Variants in OSBPL10 observed in about 807,000 individuals in gnomAD.
OSBPL10 encodes oxysterol binding protein like 10.
A neutral mutation model predicts 81.7 loss-of-function variants in OSBPL10; 49 were observed. That is an observed-to-expected ratio of 0.60 (90% CI 0.48 to 0.76). The LOEUF (loss-of-function observed/expected upper bound fraction) is 0.76, where lower values mean the gene tolerates loss of function less well. OSBPL10 is among the 30% of genes least tolerant of loss of function. OSBPL10 has a pLI of 0.00. For missense variants in OSBPL10, 923 were observed against 987.8 expected (o/e 0.93, Z 0.88); for synonymous variants, 419 against 383.6 (o/e 1.09, Z -1.08).
In OSBPL10 at chr3:31,972,428, T is replaced by C. The variant is rs554288474; in HGVS notation, c.281+8471A>G. ...AAGTTTCCCGACTCTGCCCAGACTC[T>C]ACTTAACAACCAAAAAGCCCAGATC... On this transcript the variant is annotated intron_variant, in intron 1 of 11. Transcript: ENST00000396556. Among the ~76,000 whole-genome samples, 38 of 152,186 alleles carry C rather than the reference T, an allele frequency of 2.5e-4. No homozygotes were observed. The East Asian group carries it at 6.4e-3, about 26-fold the overall frequency.
At chr3:31,900,654 T>C (rs2125676246) in intron 1 of OSBPL10, among the ~76,000 whole-genome samples, 1 of 152,368 alleles carries the variant, frequency 6.6e-6, no homozygotes, top group Admixed American at 6.5e-5. Flanking sequence ...GATATTTATT[T>C]TGTACTTTTG....
At chr3:31,750,434 G>A (rs977502908) in intron 4 of OSBPL10, among the ~76,000 whole-genome samples, 1 of 152,146 alleles carries the variant, frequency 6.6e-6, no homozygotes, top group Non-Finnish European at 1.5e-5. Flanking sequence ...AAGTGCAAGA[G>A]AATCCATTTA....
chr3:32,054,451 GT>G (rs1448554117), intron 1 of OSBPL10, among the ~76,000 whole-genome samples: 1 of 144,294 alleles, frequency 6.9e-6, no homozygotes, highest in African/African-American at 2.5e-5. Flanking sequence ...CTTAGTGTAT[GT>G]TATTAATAGT....
Position 31,699,671 on chromosome 3 carries a change from T to C in OSBPL10, c.1245+2688A>G, listed in dbSNP as rs1294953116. On this transcript the variant is annotated intron_variant, in intron 7 of 11. Coordinates refer to ENST00000396556, the MANE Select transcript of OSBPL10 (RefSeq NM_017784.5). ...TGGAGCCCTTCTGAGCATGGGGTGC[T>C]GAGCAACCTCACAGGTCAAACATCC... Among the ~76,000 whole-genome samples, 7 of 152,240 alleles carry C rather than the reference T, an allele frequency of 4.6e-5. 1 individual carries two copies. Among genetic ancestry groups the C allele is most frequent in the African/African-American group, 9.6e-5 (4 of 41,474 alleles).
At chr3:31,685,351 T>C (rs1297034899) in intron 7 of OSBPL10, among the ~76,000 whole-genome samples, 1 of 152,154 alleles carries the variant, frequency 6.6e-6, no homozygotes, top group African/African-American at 2.4e-5. Flanking sequence ...TACAGGCACA[T>C]GCCACCATAC....
At chr3:31,698,718 C>T (rs1218380870) in intron 7 of OSBPL10, among the ~76,000 whole-genome samples, 2 of 152,190 alleles carry the variant, frequency 1.3e-5, no homozygotes, top group Non-Finnish European at 2.9e-5. Context: ...GGCCAGAACA[C>T]TCTTCCGTAG....
rs555181316 is a variant in OSBPL10 at position 32,035,463 on chromosome 3, G to A, written n.298+11028C>T. Among the ~76,000 whole-genome samples, 193 of 150,872 alleles carry A rather than the reference G, an allele frequency of 1.3e-3. 1 individual carries two copies. Among genetic ancestry groups the A allele is most frequent in the South Asian group, 4.4e-3 (21 of 4,770 alleles). On this transcript the variant is annotated intron_variant and non_coding_transcript_variant, in intron 2 of 3. Transcript: ENST00000479173. ...TGTAATCCTAGCTACTCAGGAAGCT[G>A]AGGCAGGAGAATGGCTTGAACTTGG...
rs577458757 is a variant in OSBPL10, at chr3:31,953,019, G to A, written c.281+27880C>T. 1.0e-4 allele frequency among the ~76,000 whole-genome samples: 15 copies of A among 143,496 alleles called. No homozygotes were observed. The South Asian group carries it at 1.6e-3, about 15-fold the overall frequency. 94.1% of individuals were successfully genotyped at this position (143,496 alleles called of 152,430 possible). A position where few individuals can be genotyped will look rare whatever the true frequency, so the allele number is the denominator to read the frequency against. On this transcript the variant is annotated intron_variant, in intron 1 of 11. Transcript: ENST00000396556. ...GCAATCTCGGCTCACTGCAACCTCC[G>A]CCTCCAGGGTTCAAGCAATGCTCCG...
chr3:31,685,050 T>C (rs79012895), intron 7 of OSBPL10, among the ~76,000 whole-genome samples: 6,834 of 152,238 alleles, frequency 0.045, 458 homozygotes, highest in African/African-American at 0.15. Context: ...CCAATGATTA[T>C]TTAATCATCT....
At chr3:31,884,935 C>T (rs1447310437) in intron 1 of OSBPL10, among the ~76,000 whole-genome samples, 4 of 152,022 alleles carry the variant, frequency 2.6e-5, no homozygotes, top group Non-Finnish European at 5.9e-5. Context: ...AAAGCATGTG[C>T]TGCAGGGAGA....
chr3:31,685,193 C>T (rs566891229), intron 7 of OSBPL10, among the ~76,000 whole-genome samples: 20 of 152,252 alleles, frequency 1.3e-4, no homozygotes, highest in Non-Finnish European at 2.4e-4. Context: ...TAACTTGAAA[C>T]AAATATCGGG....
chr3:31,688,279 TCTCTCACACA>T (rs1225213256), intron 7 of OSBPL10, among the ~76,000 whole-genome samples: 30 of 77,880 alleles, frequency 3.9e-4, no homozygotes, highest in African/African-American at 9.7e-4. Flanking sequence ...TCTCTCTCTC[TCTCTCACACA>T]CACACACACA....
chr3:32,046,502 C>T (rs1035225728), exon 2 of OSBPL10: 1 of 152,176 alleles, frequency 6.6e-6, no homozygotes, highest in African/African-American at 2.4e-5. Context: ...CAGGCATCTG[C>T]AATTTAAAGA....
At chr3:31,814,776 G>A (rs1226784622) in intron 4 of OSBPL10, among the ~76,000 whole-genome samples, 3 of 152,134 alleles carry the variant, frequency 2.0e-5, no homozygotes, top group Admixed American at 2.0e-4. Flanking sequence ...TATTAATAGA[G>A]GATCCAAACC....
intron 2 of OSBPL10, among the ~76,000 whole-genome samples, chr3:31,879,010 G>A (rs1701554153): frequency 6.6e-6 from 1 of 152,186 alleles, no homozygotes; most frequent in Non-Finnish European, 1.5e-5. Flanking sequence ...ATTTCTGTGC[G>A]ATGGATGTGT....
chr3:31,987,021 C>T (rs1486020549), intron 2 of OSBPL10, among the ~76,000 whole-genome samples: 1 of 151,878 alleles, frequency 6.6e-6, no homozygotes, highest in Non-Finnish European at 1.5e-5. Flanking sequence ...AAAACAGAAA[C>T]TAAAAAATTA....
At chr3:31,883,397 C>A (rs923495093) in intron 1 of OSBPL10, among the ~76,000 whole-genome samples, 2 of 151,926 alleles carry the variant, frequency 1.3e-5, no homozygotes, top group African/African-American at 4.8e-5. Flanking sequence ...CCACCACGCC[C>A]AGCTAATTTT....
In OSBPL10 at chr3:31,702,594, C is replaced by T. The variant is rs1695933978; in HGVS notation, c.1096-86G>A. 4.5e-6 allele frequency: 7 copies of T among 1,553,522 alleles called. No individual in the cohort carries two copies. The African/African-American group carries it at 5.4e-5, about 12-fold the overall frequency. On this transcript the variant is annotated intron_variant, in intron 6 of 11. Transcript: ENST00000396556. ...TATGAATTCACATGCTTTGCAATGACAGAAGAAACCCAATCCTGTCCCGGG... is the reference window on the plus strand; with the variant it reads ...TATGAATTCACATGCTTTGCAATGATAGAAGAAACCCAATCCTGTCCCGGG...
chr3:31,737,339 G>GA (rs908776921), intron 5 of OSBPL10, among the ~76,000 whole-genome samples: 2 of 152,092 alleles, frequency 1.3e-5, no homozygotes, highest in Admixed American at 6.6e-5. Context: ...AGAGCTTGGG[G>GA]AAAAAATATT....
Sources: gnomAD v4.1 joint callset for allele counts (sites outside exome capture counted in the v4.1 genomes callset) on GRCh38, gnomAD v4.1.1 for gene constraint, MANE v1.5 for transcripts, NCBI Gene and HGNC (gene_info 2026-07-23, HGNC 2026-07-21) for gene names.